The following ZFAND6 variants were observed in gnomAD, a reference collection of about 807,000 sequenced individuals.
The protein encoded by ZFAND6 is zinc finger AN1-type containing 6.
In ZFAND6, 12 loss-of-function variants were observed where a neutral mutation model predicts 24.5. The observed-to-expected ratio is 0.49, with a 90% CI of 0.31 to 0.79. The LOEUF (loss-of-function observed/expected upper bound fraction) is 0.79. Ranked by LOEUF, ZFAND6 falls within the 30% of genes least tolerant of loss-of-function variation. The pLI is 0.04. For missense variants in ZFAND6, 207 were observed against 245.9 expected (o/e 0.84, Z 1.06); for synonymous variants, 92 against 81.5 (o/e 1.13, Z -0.69).
intron 2 of ZFAND6, among the ~76,000 whole-genome samples, chr15:80,108,363 A>G (rs2039443108): frequency 6.6e-6 from 1 of 152,192 alleles, no homozygotes; most frequent in South Asian, 2.1e-4. Context: ...TTGAATTAAA[A>G]GCTTTAAGGG....
intron 1 of ZFAND6, among the ~76,000 whole-genome samples, chr15:80,071,257 A>G (rs1439901382): frequency 1.3e-5 from 2 of 152,202 alleles, no homozygotes; most frequent in Non-Finnish European, 2.9e-5. Context: ...TTGAACTTTG[A>G]AAACTTCAAA....
rs556466577 is a variant in ZFAND6 at position 80,068,614 on chromosome 15, C to T, written c.-181+8805C>T. On this transcript the variant is annotated intron_variant, in intron 1 of 6. Transcript: ENST00000261749. ...CTCGAACACCTGACCTCAGGTGATC[C>T]GCCCACTGTGGCCTCCCAAAGTGCT... Among the ~76,000 whole-genome samples, 6 of 152,278 alleles carry T rather than the reference C, an allele frequency of 3.9e-5. No homozygotes were observed. In the South Asian group the frequency reaches 6.2e-4, roughly 16 times the overall value.
intron 1 of ZFAND6, among the ~76,000 whole-genome samples, chr15:80,076,139 T>A (rs1187030377): frequency 6.6e-6 from 1 of 152,172 alleles, no homozygotes; most frequent in Non-Finnish European, 1.5e-5. Context: ...TCCCTTTTGA[T>A]AATCTCCAGT....
At chr15:80,073,209 G>C (rs1336723367) in intron 1 of ZFAND6, 2 of 203,638 alleles carry the variant, frequency 9.8e-6, no homozygotes, top group African/African-American at 4.7e-5. Flanking sequence ...GGCCATTGAT[G>C]AACAAAGTGA....
chr15:80,065,737 G>A (rs958404526), intron 1 of ZFAND6, among the ~76,000 whole-genome samples: 3 of 151,298 alleles, frequency 2.0e-5, no homozygotes, highest in African/African-American at 7.3e-5. Context: ...TAGAGATAGG[G>A]TTTCATCGTG....
Position 80,104,925 on chromosome 15 carries a change from A to G in ZFAND6, c.-18+6347A>G, listed in dbSNP as rs116820420. Among the ~76,000 whole-genome samples, 1,126 of 152,288 alleles carry G rather than the reference A, an allele frequency of 7.4e-3. 9 individuals carry two copies. Among genetic ancestry groups the G allele is most frequent in the African/African-American group, 0.021 (891 of 41,556 alleles). ...GTCACCTAGAATTCTTTTCAGAGCA[A>G]TTTAAAGTATATAAAAAACAGTAAT... On this transcript the variant is annotated intron_variant, in intron 2 of 6. Transcript: ENST00000261749.
At chr15:80,108,720 C>G (rs146401139) in intron 2 of ZFAND6, among the ~76,000 whole-genome samples, 1 of 145,518 alleles carries the variant, frequency 6.9e-6, no homozygotes, top group African/African-American at 2.5e-5. Context: ...TGAGGCCAGG[C>G]ATCCTTGTTT....
chr15:80,130,623 A>G (rs1192676726), intron 5 of ZFAND6: 1 of 152,274 alleles, frequency 6.6e-6, no homozygotes, highest in Non-Finnish European at 1.5e-5. Flanking sequence ...AAATGCATCA[A>G]CTTATTATCT....
At chr15:80,104,825 AT>A (rs940233703) in intron 2 of ZFAND6, among the ~76,000 whole-genome samples, 16 of 151,460 alleles carry the variant, frequency 1.1e-4, no homozygotes, top group South Asian at 1.0e-3. Context: ...TTTCTAACTT[AT>A]TTTTTTTTAA....
intron 5 of ZFAND6, among the ~76,000 whole-genome samples, chr15:80,124,503 C>T (rs747233243): frequency 5.1e-4 from 77 of 151,970 alleles, no homozygotes; most frequent in Non-Finnish European, 6.2e-4. Context: ...ATAGTATTTA[C>T]AGAAGTTTGA....
chr15:80,138,216 T>G lies in ZFAND6; in HGVS notation c.*588T>G, dbSNP rs1460107215. 6.5e-6 allele frequency: 1 copy of G among 152,692 alleles called. No homozygotes were observed. Among genetic ancestry groups the G allele is most frequent in the African/African-American group, 2.4e-5 (1 of 41,466 alleles). 9.5% of individuals were successfully genotyped at this position (152,692 alleles called of 1,614,324 possible). On this transcript the variant is annotated 3_prime_UTR_variant, in exon 7 of 7. Coordinates refer to ENST00000261749, the MANE Select transcript of ZFAND6 (RefSeq NM_019006.4). ...AAGTTTGTGTGTTTAAACTTTTTTT[T>G]GAGCGAGGGAAGAAAAAGCTGTATG...
At chr15:80,076,701 A>G (rs781741312) in intron 1 of ZFAND6, among the ~76,000 whole-genome samples, 1 of 147,230 alleles carries the variant, frequency 6.8e-6, no homozygotes, top group Non-Finnish European at 1.5e-5. Flanking sequence ...AGTGACTAGC[A>G]TACTTTAAAA....
chr15:80,123,244 A>G (rs2040225890), intron 5 of ZFAND6, among the ~76,000 whole-genome samples: 2 of 152,190 alleles, frequency 1.3e-5, no homozygotes, highest in Non-Finnish European at 2.9e-5. Flanking sequence ...CAATAGTCAC[A>G]TTCAGTTGCT....
At chr15:80,110,919 A>T (rs2039575290) in intron 2 of ZFAND6, among the ~76,000 whole-genome samples, 1 of 152,220 alleles carries the variant, frequency 6.6e-6, no homozygotes, top group Non-Finnish European at 1.5e-5. Context: ...GCCCTGAGAC[A>T]GGCCTGGCCC....
intron 2 of ZFAND6, among the ~76,000 whole-genome samples, chr15:80,104,659 G>A (rs1171716953): frequency 1.3e-5 from 2 of 152,098 alleles, no homozygotes; most frequent in Admixed American, 6.6e-5. Flanking sequence ...TATGTTATCT[G>A]GGGTAATATT....
intron 2 of ZFAND6, among the ~76,000 whole-genome samples, chr15:80,118,051 C>T (rs1191912306): frequency 2.6e-5 from 3 of 114,100 alleles, no homozygotes; most frequent in Admixed American, 9.1e-5. Context: ...TATGTATATA[C>T]ATATATGTAT....
chr15:80,111,642 A>G (rs1023826304), intron 2 of ZFAND6: 10 of 347,276 alleles, frequency 2.9e-5, no homozygotes, highest in African/African-American at 1.7e-4. Flanking sequence ...AATTTTTCTC[A>G]TAAGTTTTTA....
At chr15:80,066,319 TAAAA>T in intron 1 of ZFAND6, among the ~76,000 whole-genome samples, 1 of 130,552 alleles carries the variant, frequency 7.7e-6, no homozygotes, top group South Asian at 2.5e-4. Context: ...TATCGAAACA[TAAAA>T]AAAAAAAAAA....
At chr15:80,091,160 GGTGTGT>G (rs61706731) in intron 1 of ZFAND6, among the ~76,000 whole-genome samples, 9 of 150,276 alleles carry the variant, frequency 6.0e-5, no homozygotes, top group African/African-American at 9.8e-5. Flanking sequence ...GTTGTTAAGG[GGTGTGT>G]GTGTGTGTGT....
Sources: gnomAD v4.1 joint callset for allele counts (sites outside exome capture counted in the v4.1 genomes callset) on GRCh38, gnomAD v4.1.1 for gene constraint, MANE v1.5 for transcripts, NCBI Gene and HGNC (gene_info 2026-07-23, HGNC 2026-07-21) for gene names.